PLCXD1: variants seen among roughly 807,000 people sequenced by gnomAD.
PLCXD1 encodes the protein PI-PLC X domain-containing protein 1.
In PLCXD1, 45 loss-of-function variants were observed where a neutral mutation model predicts 37.8. The observed-to-expected ratio is 1.19, with a 90% CI of 0.94 to 1.53. The LOEUF (loss-of-function observed/expected upper bound fraction) is 1.53. Among genes scored for constraint, PLCXD1 ranks in the 40% most tolerant of loss-of-function variants. The pLI is 0.00. For missense variants in PLCXD1, 539 were observed against 454.7 expected, an observed-to-expected ratio of 1.19 and a Z score of -1.69; for synonymous variants, 246 against 206.9, an observed-to-expected ratio of 1.19 and a Z score of -1.62.
At chrX:285,382 A>G (rs1021252868) in intron 2 of PLCXD1, among the ~76,000 whole-genome samples, 1 of 152,072 alleles carries the variant, frequency 6.6e-6, no homozygotes, top group Non-Finnish European at 1.5e-5. Flanking sequence ...ATGTATATAT[A>G]TATTTGCACC....
At chrX:298,406 TG>T (rs1336246995) in intron 6 of PLCXD1, among the ~76,000 whole-genome samples, 24 of 13,166 alleles carry the variant, frequency 1.8e-3, no homozygotes, top group East Asian at 7.1e-3. Context: ...GTCTATCACA[TG>T]GGGATTAGGA....
At position 290,634 on chromosome X, in the gene PLCXD1, G is replaced by T. The variant is rs768616414; in HGVS notation, c.265-14G>T. ...GCTCAGCCAGGCAGACATGACAGCAGCCTCTGTCCACAGGCACTGGACGTC... is the reference window on the plus strand; with the variant it reads ...GCTCAGCCAGGCAGACATGACAGCATCCTCTGTCCACAGGCACTGGACGTC... On this transcript the variant is annotated splice_polypyrimidine_tract_variant and intron_variant, in intron 3 of 6. Transcript: ENST00000381657. The T allele has an allele frequency of 8.1e-6, 13 of 1,613,390 alleles. No individual in the cohort carries two copies. Among genetic ancestry groups the T allele is most frequent in the African/African-American group, 1.3e-5 (1 of 74,926 alleles).
chrX:299,107 C>T lies in PLCXD1; in HGVS notation c.744C>T (p.Phe248=), dbSNP rs755680108. 3.7e-5 allele frequency: 59 copies of T among 1,613,268 alleles called. No individual in the cohort carries two copies. Among genetic ancestry groups the T allele is most frequent in the Admixed American group, 1.5e-4 (9 of 59,978 alleles). The stretch of plus-strand genomic sequence containing the variant: ...CCCTCACCGTTGCAGGAGGGTTGTT[C>T]GTGGCCGGCATCAACCTCACGGAGA... ...MKSCGRPGGL[F]VAGINLTENL... Residue 248 remains phenylalanine, a synonymous_variant, in exon 7 of 7, where the codon TTC becomes TTT. Transcript: ENST00000381657.
intron 1 of PLCXD1, 76 bp downstream of exon 1, chrX:281,760 C>G (rs767241295): frequency 6.6e-6 from 1 of 152,294 alleles, no homozygotes; most frequent in Admixed American, 6.5e-5. Context: ...TCCTCTCTGT[C>G]CCATTTCTTT....
chrX:279,510 G>A (rs1447751211), upstream of PLCXD1, among the ~76,000 whole-genome samples: 1 of 152,168 alleles, frequency 6.6e-6, no homozygotes, highest in Non-Finnish European at 1.5e-5. Flanking sequence ...GGTGGCTCAC[G>A]CCTGTCATCC....
upstream of PLCXD1, among the ~76,000 whole-genome samples, chrX:279,925 C>G (rs996798638): frequency 2.6e-5 from 4 of 152,312 alleles, no homozygotes; most frequent in Non-Finnish European, 4.4e-5. Flanking sequence ...TCTCGGCTCA[C>G]TGCAACCTCC....
At chrX:288,115 A>G (rs906553796) in intron 2 of PLCXD1, among the ~76,000 whole-genome samples, 3 of 146,658 alleles carry the variant, frequency 2.0e-5, no homozygotes, top group Non-Finnish European at 4.5e-5. Flanking sequence ...TGTGTCTCCT[A>G]AGGACACCTG....
At chrX:289,130 C>A (rs940057248) in intron 3 of PLCXD1, among the ~76,000 whole-genome samples, 12 of 152,166 alleles carry the variant, frequency 7.9e-5, no homozygotes, top group Non-Finnish European at 1.3e-4. Flanking sequence ...TCTTCTTACC[C>A]GGGCTGGAGT....
intron 6 of PLCXD1, among the ~76,000 whole-genome samples, chrX:296,577 C>T (rs771605596): frequency 2.6e-5 from 4 of 152,278 alleles, no homozygotes. Context: ...CAGGAGATTC[C>T]GGCTCAGCAG....
chrX:281,746 C>G (rs1256919345), intron 1 of PLCXD1, 62 bp downstream of exon 1: 1 of 152,256 alleles, frequency 6.6e-6, no homozygotes, highest in Non-Finnish European at 1.5e-5. Flanking sequence ...GGGGCTTCTT[C>G]CCTTCCTCTC....
chrX:294,964 T>A (rs188953414), intron 6 of PLCXD1, among the ~76,000 whole-genome samples: 6 of 152,064 alleles, frequency 3.9e-5, no homozygotes, highest in Non-Finnish European at 2.9e-5. Flanking sequence ...TTAATTGAGA[T>A]CAGGAGTTTG....
chrX:283,068 T>C (rs1330409703), intron 1 of PLCXD1: 1 of 10,088 alleles, frequency 9.9e-5, no homozygotes, highest in Non-Finnish European at 2.2e-4. Flanking sequence ...TATGTGTGTA[T>C]GTGTGTGTGT....
chrX:284,681 C>T (rs1472669293), intron 2 of PLCXD1, among the ~76,000 whole-genome samples: 2 of 152,150 alleles, frequency 1.3e-5, no homozygotes, highest in African/African-American at 4.8e-5. Context: ...CACATCTGCA[C>T]ACATACGCAT....
upstream of PLCXD1, among the ~76,000 whole-genome samples, chrX:276,660 AG>A (rs2069163199): frequency 1.3e-5 from 2 of 152,080 alleles, no homozygotes; most frequent in Admixed American, 6.5e-5. Context: ...AGAGCCGCGG[AG>A]CCAGTGTGGA....
intron 2 of PLCXD1, among the ~76,000 whole-genome samples, chrX:287,271 T>C (rs1055261290): frequency 6.8e-6 from 1 of 146,480 alleles, no homozygotes; most frequent in African/African-American, 2.5e-5. Context: ...AAATATAAAA[T>C]ATATATCATA....
At position 300,611 on chromosome X, in the gene PLCXD1, CGTGT is replaced by C. The variant is rs1569339999; in HGVS notation, c.*1277_*1280del. 1 of 150,160 alleles carries C rather than the reference CGTGT, an allele frequency of 6.7e-6. No individual in the cohort carries two copies. The highest frequency in any genetic ancestry group is 2.5e-5 in the African/African-American group (1 of 40,690). 9.3% of individuals were successfully genotyped at this position (150,160 alleles called of 1,614,324 possible). ...GTTTATACATGTATATGTGTGTATGCGTGTATACGTGTATGTATACATGTATATG... is the reference window on the plus strand; with the variant it reads ...GTTTATACATGTATATGTGTGTATGCATACGTGTATGTATACATGTATATG... On this transcript the variant is annotated 3_prime_UTR_variant, in exon 7 of 7. Transcript: ENST00000381657.
upstream of PLCXD1, among the ~76,000 whole-genome samples, chrX:278,767 C>G (rs1175023770): frequency 7.9e-6 from 1 of 126,444 alleles, no homozygotes; most frequent in Admixed American, 8.5e-5. Context: ...GTGTGTTTTG[C>G]TAAGGTTGAG....
rs2069722641 is a variant in PLCXD1, at chrX:294,086, C to T, written c.733+868C>T. ...GTGCGGTGGCTCACACCTGTGATCA[C>T]AGCACTTTGGGAGGCCAAGGTGGGT... On this transcript the variant is annotated intron_variant, in intron 6 of 6. Transcript: ENST00000381657. Among the ~76,000 whole-genome samples the T allele has an allele frequency of 2.6e-5, 4 of 151,540 alleles. No homozygotes were observed. In the South Asian group the frequency reaches 8.6e-4, roughly 32 times the overall value.
intron 6 of PLCXD1, among the ~76,000 whole-genome samples, chrX:294,772 C>G (rs188995909): frequency 1.2e-4 from 19 of 152,150 alleles, no homozygotes; most frequent in Non-Finnish European, 2.5e-4. Context: ...CCAGTGTACT[C>G]CAGCCTGGGC....
Sources: allele counts gnomAD v4.1 joint callset (sites outside exome capture counted in the v4.1 genomes callset), GRCh38; gene constraint gnomAD v4.1.1; transcripts MANE v1.5; gene names NCBI Gene and HGNC (gene_info 2026-07-23, HGNC 2026-07-21).